Variants in TENM4 observed in about 807,000 individuals in gnomAD.
TENM4 encodes teneurin-4.
A neutral mutation model predicts 243.3 loss-of-function variants in TENM4; 82 were observed. The ratio of observed to expected loss-of-function variants is 0.34; its 90% CI spans 0.28 to 0.40. TENM4 has a LOEUF of 0.40. Ranked by LOEUF, TENM4 falls within the 10% of genes least tolerant of loss-of-function variation. The pLI is 1.00. For missense variants in TENM4, 3,138 were observed against 3,673.3 expected (o/e 0.85, Z 3.77); for synonymous variants, 1,412 against 1,456.3 (o/e 0.97, Z 0.69).
In TENM4 at chr11:79,019,415, A is replaced by ACTC. The variant is rs574125900; in HGVS notation, c.493+45320_493+45322dup. 6.4e-4 allele frequency among the ~76,000 whole-genome samples: 97 copies of ACTC among 151,786 alleles called. 1 individual carries two copies. The South Asian group carries it at 0.019, about 30-fold the overall frequency. On this transcript the variant is annotated intron_variant, in intron 6 of 33. Coordinates refer to ENST00000278550, the MANE Select transcript of TENM4 (RefSeq NM_001098816.3). Reference sequence around the variant, plus strand: ...AAGAGCCCATCCTCTCCAAAGCCCAACTCTTCTACCTCTATAACCACCCAG... The same window carrying ACTC: ...AAGAGCCCATCCTCTCCAAAGCCCAACTCCTCTTCTACCTCTATAACCACCCAG...
chr11:79,258,130 G>A (rs1855731278), intron 2 of TENM4, among the ~76,000 whole-genome samples: 2 of 152,152 alleles, frequency 1.3e-5, no homozygotes, highest in African/African-American at 4.8e-5. Context: ...AGATGGAAAG[G>A]GTTTTAGAGT....
rs113101966 is a variant in TENM4, at chr11:78,856,191, A to G, written c.1256-13T>C. 29 of 1,549,092 alleles carry G rather than the reference A, an allele frequency of 1.9e-5. No individual in the cohort carries two copies. In the African/African-American group the frequency reaches 2.7e-4, roughly 15 times the overall value. ...CTACTGGGCTTTCCTACCAAGATAG[A>G]GGGAAGGGAAGACAAAGACATCTCG... On this transcript the variant is annotated splice_polypyrimidine_tract_variant and intron_variant, in intron 10 of 33. Coordinates refer to ENST00000278550, the MANE Select transcript of TENM4 (RefSeq NM_001098816.3).
intron 15 of TENM4, among the ~76,000 whole-genome samples, chr11:78,799,326 GA>G (rs1216579588): frequency 6.6e-6 from 1 of 152,200 alleles, no homozygotes; most frequent in Non-Finnish European, 1.5e-5. Context: ...GAGAGATTCA[GA>G]AACTGCAAGG....
intron 19 of TENM4, among the ~76,000 whole-genome samples, chr11:78,747,502 C>T (rs1303110927): frequency 6.6e-6 from 1 of 152,196 alleles, no homozygotes; most frequent in East Asian, 1.9e-4. Flanking sequence ...GTCCTAGAGG[C>T]CTGCAGCGTT....
At chr11:79,322,837 T>C (rs1856913844) in intron 1 of TENM4, among the ~76,000 whole-genome samples, 1 of 152,228 alleles carries the variant, frequency 6.6e-6, no homozygotes. Flanking sequence ...ATATTTATTC[T>C]TAAAATTGAG....
chr11:78,923,741 T>C (rs919462013), intron 6 of TENM4, among the ~76,000 whole-genome samples: 3 of 134,950 alleles, frequency 2.2e-5, no homozygotes, highest in Non-Finnish European at 4.7e-5. Context: ...GGTTTCACCA[T>C]GTTGGCCAGG....
At chr11:79,267,921 A>G (rs1373665213) in intron 2 of TENM4, among the ~76,000 whole-genome samples, 2 of 152,222 alleles carry the variant, frequency 1.3e-5, no homozygotes, top group African/African-American at 4.8e-5. Context: ...TGCCAAAACA[A>G]TCTAACATCC....
At chr11:79,375,479 A>G (rs1465428864) in intron 1 of TENM4, among the ~76,000 whole-genome samples, 1 of 152,352 alleles carries the variant, frequency 6.6e-6, no homozygotes, top group East Asian at 1.9e-4. Context: ...TTTCTAATTT[A>G]AAAAATGCAC....
At chr11:78,699,130 T>TAACAAC (rs35532822) in intron 28 of TENM4, among the ~76,000 whole-genome samples, 16 of 151,776 alleles carry the variant, frequency 1.1e-4, no homozygotes, top group South Asian at 2.1e-4. Flanking sequence ...TTGCTTGCAT[T>TAACAAC]AACAACAACA....
intron 8 of TENM4, 142 bp downstream of exon 8, chr11:78,891,096 A>G: frequency 2.9e-6 from 2 of 694,540 alleles, no homozygotes; most frequent in Non-Finnish European, 5.0e-6. Context: ...AACTGTTGCA[A>G]GTTGAACACG....
At chr11:79,275,262 C>T (rs1382279477) in intron 2 of TENM4, among the ~76,000 whole-genome samples, 2 of 150,366 alleles carry the variant, frequency 1.3e-5, no homozygotes, top group African/African-American at 2.5e-5. Context: ...CGCGCGCATG[C>T]GGGCATGTGT....
intron 1 of TENM4, among the ~76,000 whole-genome samples, chr11:79,331,954 C>T (rs143591641): frequency 3.3e-5 from 5 of 152,288 alleles, no homozygotes; most frequent in African/African-American, 4.8e-5. Context: ...TCAGATGCAC[C>T]GCAGCACAAA....
chr11:79,373,785 A>G lies in TENM4; in HGVS notation c.-321+66724T>C, dbSNP rs1207525762. ...TTATATGAAATGTTATATAAAATATATTTGTTTTCTATAAAGGCCTGACTC... is the reference window on the plus strand; with the variant it reads ...TTATATGAAATGTTATATAAAATATGTTTGTTTTCTATAAAGGCCTGACTC... On this transcript the variant is annotated intron_variant, in intron 1 of 33. Transcript: ENST00000278550. 2.0e-5 allele frequency among the ~76,000 whole-genome samples: 3 copies of G among 152,224 alleles called. No individual in the cohort carries two copies. In the East Asian group the frequency reaches 5.8e-4, roughly 29 times the overall value.
rs1857933442 is a variant in TENM4, at chr11:78,657,892, G to GTGT, written c.*163_*165dup. The GTGT allele has an allele frequency of 1.1e-5, 13 of 1,131,744 alleles. No homozygotes were observed. Among genetic ancestry groups the GTGT allele is most frequent in the Non-Finnish European group, 1.6e-5 (12 of 764,630 alleles). The allele number at this position is 1,131,744 out of a possible 1,614,324, so 70.1% of individuals were successfully genotyped here. On this transcript the variant is annotated 3_prime_UTR_variant, in exon 34 of 34. Transcript: ENST00000278550. ...CAAAAAATGTGCGAAGGCCAAATCT[G>GTGT]TGTTTTTCTTTTCTAAAAAAAAGGA... is the stretch of plus-strand genomic sequence containing the variant.
intron 6 of TENM4, among the ~76,000 whole-genome samples, chr11:79,005,643 G>A (rs1420027387): frequency 1.3e-5 from 2 of 152,000 alleles, no homozygotes; most frequent in Non-Finnish European, 2.9e-5. Flanking sequence ...CCATTACACT[G>A]AATGGGCAAA....
intron 6 of TENM4, among the ~76,000 whole-genome samples, chr11:78,995,983 T>C (rs1440224835): frequency 6.6e-6 from 1 of 152,180 alleles, no homozygotes; most frequent in Non-Finnish European, 1.5e-5. Context: ...ATCGCTTATG[T>C]AAGGTCATCA....
intron 1 of TENM4, among the ~76,000 whole-genome samples, chr11:79,382,430 C>G (rs12577328): frequency 0.083 from 12,650 of 152,274 alleles, 558 homozygotes; most frequent in Non-Finnish European, 0.11. Context: ...ACATGCCACT[C>G]TCAGTCCAGA....
chr11:79,106,891 T>C (rs1291230923), intron 4 of TENM4, among the ~76,000 whole-genome samples: 1 of 152,192 alleles, frequency 6.6e-6, no homozygotes, highest in African/African-American at 2.4e-5. Context: ...AATATTTTGA[T>C]GGGTTAGTGA....
intron 3 of TENM4, among the ~76,000 whole-genome samples, chr11:79,149,278 A>ACAAC (rs1437148160): frequency 3.3e-5 from 5 of 152,136 alleles, no homozygotes; most frequent in Non-Finnish European, 5.9e-5. Context: ...TTCTGACTGC[A>ACAAC]CAACTCTGGG....
Sources: allele counts gnomAD v4.1 joint callset (sites outside exome capture counted in the v4.1 genomes callset), GRCh38; gene constraint gnomAD v4.1.1; transcripts MANE v1.5; gene names NCBI Gene and HGNC (gene_info 2026-07-23, HGNC 2026-07-21).